Variants in OPHN1 observed in about 807,000 individuals in gnomAD.
The protein encoded by OPHN1 is oligophrenin 1.
Under a neutral mutation model 60.7 loss-of-function variants are expected in OPHN1, and 11 were observed. That is an observed-to-expected ratio of 0.18 (90% CI 0.11 to 0.30). The LOEUF (loss-of-function observed/expected upper bound fraction) is 0.30, where lower values mean the gene tolerates loss of function less well. Among genes scored for constraint, OPHN1 ranks in the 10% least tolerant of loss-of-function variants. The probability of loss-of-function intolerance (pLI) is 1.00; values close to 1 mark genes in which losing one functional copy is unlikely to be tolerated. For synonymous variants in OPHN1, 226 were observed against 222.6 expected (o/e 1.02, Z -0.14); for missense variants, 449 against 611.0 (o/e 0.73, Z 2.80).
chrX:68,200,700 A>G (rs778643185), intron 11 of OPHN1, among the ~76,000 whole-genome samples: 1 of 111,615 alleles, frequency 9.0e-6, no homozygotes, highest in Non-Finnish European at 1.9e-5. Context: ...TTATTCCCCA[A>G]TTTTTTTAAA....
chrX:68,351,840 G>C (rs1298371975), intron 2 of OPHN1, among the ~76,000 whole-genome samples: 1 of 94,354 alleles, frequency 1.1e-5, no homozygotes, highest in Non-Finnish European at 2.1e-5. Flanking sequence ...GGGATTACAG[G>C]TGCCTGCCAC....
chrX:68,055,036 T>C (rs925080028), intron 21 of OPHN1, among the ~76,000 whole-genome samples: 2 of 112,162 alleles, frequency 1.8e-5, no homozygotes, highest in Non-Finnish European at 3.8e-5. Flanking sequence ...AAGTTTAAAC[T>C]CCTTCACAGA....
chrX:68,068,642 C>T (rs761931515), intron 20 of OPHN1, among the ~76,000 whole-genome samples: 62 of 110,883 alleles, frequency 5.6e-4, no homozygotes, highest in African/African-American at 1.8e-3. Context: ...ATGTTCACAG[C>T]GGCATTATTT....
intron 6 of OPHN1, 74 bp downstream of exon 6, chrX:68,234,413 T>G (rs773850415): frequency 3.4e-4 from 281 of 818,963 alleles, no homozygotes; most frequent in Non-Finnish European, 5.1e-4. Context: ...GGGAAAAGCC[T>G]TGCAGTACAA....
chrX:68,193,981 T>C, intron 13 of OPHN1, 29 bp from the exon 14 acceptor site: 1 of 1,141,560 alleles, frequency 8.8e-7, no homozygotes, highest in Non-Finnish European at 1.2e-6. Context: ...AAGAGTTAGA[T>C]CCTGCTGCAA....
chrX:68,184,576 G>T (rs1270213963), intron 15 of OPHN1, among the ~76,000 whole-genome samples: 2 of 110,604 alleles, frequency 1.8e-5, no homozygotes, highest in African/African-American at 6.6e-5. Flanking sequence ...ACTGTATTCA[G>T]ATACAAATGT....
In OPHN1 at chrX:68,043,813, A is replaced by T. The variant is rs983427043; in HGVS notation, c.*3359T>A. On this transcript the variant is annotated 3_prime_UTR_variant, in exon 25 of 25. Transcript: ENST00000355520. Reference sequence around the variant, plus strand: ...TATCACCACAGAAAAATTTGTAGAGATTTGACCCCAATACATCAAGTACTG... The same window carrying T: ...TATCACCACAGAAAAATTTGTAGAGTTTTGACCCCAATACATCAAGTACTG... The T allele has an allele frequency of 4.5e-4, 50 of 111,823 alleles. No individual in the cohort carries two copies. Among genetic ancestry groups the T allele is most frequent in the African/African-American group, 1.6e-3 (49 of 30,771 alleles). The allele number at this position is 111,823 out of a possible 1,213,427, so 9.2% of individuals were successfully genotyped here.
At chrX:68,397,748 C>T (rs1228821944) in intron 2 of OPHN1, among the ~76,000 whole-genome samples, 2 of 109,094 alleles carry the variant, frequency 1.8e-5, no homozygotes, top group Non-Finnish European at 3.8e-5. Context: ...ATCTCGAACC[C>T]CTGACCGCAA....
At chrX:68,212,809 T>C (rs948132084) in intron 7 of OPHN1, among the ~76,000 whole-genome samples, 2 of 112,325 alleles carry the variant, frequency 1.8e-5, no homozygotes, top group African/African-American at 3.2e-5. Context: ...TTGAACAGTA[T>C]GTAAATGAAC....
At chrX:68,346,200 T>C (rs961878493) in intron 2 of OPHN1, among the ~76,000 whole-genome samples, 2 of 111,738 alleles carry the variant, frequency 1.8e-5, no homozygotes, top group Non-Finnish European at 3.8e-5. Context: ...CAGGTACAAA[T>C]TGTATGGTCT....
At chrX:68,129,189 G>A (rs2077183741) in intron 15 of OPHN1, among the ~76,000 whole-genome samples, 2 of 111,748 alleles carry the variant, frequency 1.8e-5, no homozygotes, top group Admixed American at 1.9e-4. Context: ...ATGCACCCTG[G>A]AGCATGCCAT....
rs180918967 is a variant in OPHN1, at chrX:68,430,987, C to T, written c.154+1880G>A. Among the ~76,000 whole-genome samples the T allele has an allele frequency of 5.5e-4, 61 of 111,538 alleles. 1 individual carries two copies. Among genetic ancestry groups the T allele is most frequent in the African/African-American group, 2.0e-3 (60 of 30,738 alleles). Reference sequence around the variant, plus strand: ...GCCTTAGCTGGTGATTTTTAGCATGCTTTTAGTTACCATCCACTTCACAAA... The same window carrying T: ...GCCTTAGCTGGTGATTTTTAGCATGTTTTTAGTTACCATCCACTTCACAAA... On this transcript the variant is annotated intron_variant, in intron 2 of 24. Coordinates refer to ENST00000355520, the MANE Select transcript of OPHN1 (RefSeq NM_002547.3).
At chrX:68,184,743 C>T (rs998157833) in intron 15 of OPHN1, among the ~76,000 whole-genome samples, 4 of 109,489 alleles carry the variant, frequency 3.7e-5, no homozygotes, top group Non-Finnish European at 7.6e-5. Context: ...ATTACAGGCG[C>T]CCACCACCAT....
At chrX:68,252,976 C>T (rs2077843597) in intron 5 of OPHN1, among the ~76,000 whole-genome samples, 1 of 110,400 alleles carries the variant, frequency 9.1e-6, no homozygotes, top group Non-Finnish European at 1.9e-5. Context: ...GATTGCTGTG[C>T]CTGGTGAGAC....
In OPHN1 at chrX:68,102,229, A is replaced by C. The variant is rs750213593; in HGVS notation, c.1527-5200T>G. 5.4e-5 allele frequency: 6 copies of C among 111,945 alleles called. No homozygotes were observed. In the East Asian group the frequency reaches 1.4e-3, roughly 26 times the overall value. The allele number at this position is 111,945 out of a possible 1,213,427, so 9.2% of individuals were successfully genotyped here. On this transcript the variant is annotated intron_variant, in intron 18 of 24. Transcript: ENST00000355520. Reference sequence around the variant, plus strand: ...CTCAGGATTAACAAACTCACTCAAAACCACACAACTACATGGAAAGTGAAC... The same window carrying C: ...CTCAGGATTAACAAACTCACTCAAACCCACACAACTACATGGAAAGTGAAC...
At chrX:68,224,606 T>C (rs1301412837) in intron 6 of OPHN1, among the ~76,000 whole-genome samples, 1 of 112,752 alleles carries the variant, frequency 8.9e-6, no homozygotes, top group Non-Finnish European at 1.9e-5. Flanking sequence ...GAAATATTTA[T>C]AGAATGAAAT....
At chrX:68,247,493 T>C (rs1355173557) in intron 5 of OPHN1, among the ~76,000 whole-genome samples, 1 of 111,671 alleles carries the variant, frequency 9.0e-6, no homozygotes, top group Non-Finnish European at 1.9e-5. Flanking sequence ...CAACTGGCTT[T>C]CAACACCCTT....
At position 68,096,943 on chromosome X, in the gene OPHN1, T is replaced by C. The variant is rs141368794; in HGVS notation, c.1613A>G (p.Asp538Gly). 40 of 1,208,260 alleles carry C rather than the reference T, an allele frequency of 3.3e-5. No homozygotes were observed. The highest frequency in any genetic ancestry group is 4.5e-5 in the Non-Finnish European group (40 of 894,092). The change falls in exon 19 of 25, where the codon GAC (aspartate) becomes GGC (glycine). Residue 538 changes from aspartate (D) to glycine (G), a missense_variant. Physicochemically the swap from Asp to Gly is moderately conservative, Grantham distance 94. Coordinates refer to ENST00000355520, the MANE Select transcript of OPHN1 (RefSeq NM_002547.3). Reference protein sequence around the residue: ...FGPTLMRAQEDTVAAMMNIKF... With the variant: ...FGPTLMRAQEGTVAAMMNIKF... ...GATGTTCATCATGGCGGCCACAGTGTCCTCCTGAGCTCTCATCAGGGTGGG... is the reference window on the plus strand; with the variant it reads ...GATGTTCATCATGGCGGCCACAGTGCCCTCCTGAGCTCTCATCAGGGTGGG...
intron 11 of OPHN1, among the ~76,000 whole-genome samples, chrX:68,197,661 T>C (rs1445842822): frequency 9.0e-6 from 1 of 111,325 alleles, no homozygotes; most frequent in African/African-American, 3.3e-5. Context: ...AGAGGCACAT[T>C]ATCTCTCAGT....
Sources: allele counts gnomAD v4.1 joint callset (sites outside exome capture counted in the v4.1 genomes callset), GRCh38; gene constraint gnomAD v4.1.1; transcripts MANE v1.5; gene names NCBI Gene and HGNC (gene_info 2026-07-23, HGNC 2026-07-21).